The following CSMD3 variants were observed in gnomAD, a reference collection of about 807,000 sequenced individuals.
CSMD3 encodes CUB and sushi domain-containing protein 3.
Under a neutral mutation model 435.2 loss-of-function variants are expected in CSMD3, and 177 were observed. That is an observed-to-expected ratio of 0.41 (90% confidence interval 0.36 to 0.46). CSMD3 has a LOEUF of 0.46. CSMD3 is among the 20% of genes least tolerant of loss of function. The pLI, the probability that CSMD3 is intolerant of heterozygous loss-of-function variation, is 0.34. For synonymous variants in CSMD3, 1,656 were observed against 1,520.5 expected (o/e 1.09, Z -2.07); for missense variants, 4,265 against 4,504.6 (o/e 0.95, Z 1.52).
chr8:113,137,253 A>C (rs1282789184), intron 4 of CSMD3, among the ~76,000 whole-genome samples: 1 of 151,692 alleles, frequency 6.6e-6, no homozygotes, highest in Non-Finnish European at 1.5e-5. Flanking sequence ...AAAAAATTTA[A>C]ATGATGGCGG....
In CSMD3 at chr8:112,289,366, T is replaced by A. The variant is rs2130654259; in HGVS notation, c.9147A>T (p.Ser3049=). ...GHWSGSQPHC[S]GDATGTCGDP... ...ATTGTCCAATTTTCCAAGTGGTACC[T>A]GAACAATGAGGTTGTGATCCACTCC... Residue 3049 remains serine, a splice_region_variant and synonymous_variant, in exon 57 of 71, where the codon TCA becomes TCT. Transcript: ENST00000297405. 1 of 1,612,876 alleles carries A rather than the reference T, an allele frequency of 6.2e-7. No individual in the cohort carries two copies. Among genetic ancestry groups the A allele is most frequent in the Admixed American group, 1.7e-5 (1 of 59,906 alleles).
intron 1 of CSMD3, among the ~76,000 whole-genome samples, chr8:113,404,966 A>G (rs771935350): frequency 5.3e-5 from 8 of 151,566 alleles, no homozygotes; most frequent in Non-Finnish European, 8.9e-5. Context: ...TTAAAACAAA[A>G]TAATTCTAGG....
Position 113,153,101 on chromosome 8 carries a change from AAAAG to A in CSMD3, c.709+20617_709+20620del, listed in dbSNP as rs1554791157. ...AAAAGAAAGAAAGAAAGAAAGAAAG[AAAAG>A]AAAGAAAGAAAGAAAGAAAGAGAAA... On this transcript the variant is annotated intron_variant, in intron 4 of 70. Transcript: ENST00000297405. Among the ~76,000 whole-genome samples the A allele has an allele frequency of 1.5e-3, 146 of 100,028 alleles. 1 individual carries two copies. The highest frequency in any genetic ancestry group is 4.4e-3 in the Middle Eastern group (1 of 228). The allele number at this position is 100,028 out of a possible 152,430, so 65.6% of individuals were successfully genotyped here.
intron 38 of CSMD3, among the ~76,000 whole-genome samples, chr8:112,354,259 T>C (rs1290788764): frequency 1.3e-5 from 2 of 152,108 alleles, no homozygotes; most frequent in African/African-American, 4.8e-5. Context: ...GGGCAAAAGC[T>C]GGGATAATTC....
At chr8:113,099,159 T>C (rs2090257877) in intron 4 of CSMD3, among the ~76,000 whole-genome samples, 196 bp from the exon 5 acceptor site, 1 of 152,008 alleles carries the variant, frequency 6.6e-6, no homozygotes, top group Non-Finnish European at 1.5e-5. Flanking sequence ...AAGTATAAAG[T>C]ATATCTTAAC....
chr8:112,556,186 A>G (rs1828101828), intron 25 of CSMD3, among the ~76,000 whole-genome samples: 1 of 151,366 alleles, frequency 6.6e-6, no homozygotes, highest in Non-Finnish European at 1.5e-5. Context: ...CTACCCATCT[A>G]TGCATTAACT....
chr8:112,928,733 T>G (rs2082995907), intron 9 of CSMD3, among the ~76,000 whole-genome samples: 1 of 149,896 alleles, frequency 6.7e-6, no homozygotes, highest in Admixed American at 6.7e-5. Context: ...TTGTGAATAA[T>G]GCCGCAATAA....
At chr8:112,517,298 GA>G (rs1823776955) in intron 27 of CSMD3, 73 bp from the exon 28 acceptor site, 1 of 1,118,748 alleles carries the variant, frequency 8.9e-7, no homozygotes, top group Non-Finnish European at 1.3e-6. Flanking sequence ...CTGTGTTTTA[GA>G]AAATTAATTT....
At position 112,224,127 on chromosome 8, in the gene CSMD3, T is replaced by C. The variant is rs1812370679; in HGVS notation, c.*644A>G. The stretch of plus-strand genomic sequence containing the variant: ...ATGAACTTGCCCTTTGCAGAAACTA[T>C]GACAACCAGTCTAAAAGAAGAAGAG... On this transcript the variant is annotated 3_prime_UTR_variant, in exon 71 of 71. Coordinates refer to ENST00000297405, the MANE Select transcript of CSMD3 (RefSeq NM_198123.2). The C allele has an allele frequency of 1.3e-5, 2 of 153,978 alleles. No individual in the cohort carries two copies. The highest frequency in any genetic ancestry group is 1.3e-4 in the Admixed American group (2 of 15,604). The allele number at this position is 153,978 out of a possible 1,614,324, so 9.5% of individuals were successfully genotyped here.
chr8:112,345,968 G>A (rs1025169673), intron 41 of CSMD3, 129 bp downstream of exon 41: 2 of 728,210 alleles, frequency 2.7e-6, no homozygotes, highest in Non-Finnish European at 2.5e-6. Context: ...AATTTACATA[G>A]TTGTATGTAT....
chr8:112,264,413 G>A (rs1483056204), intron 60 of CSMD3, among the ~76,000 whole-genome samples: 1 of 151,990 alleles, frequency 6.6e-6, no homozygotes, highest in Non-Finnish European at 1.5e-5. Context: ...GCAAAGACAG[G>A]TTGGATAAGA....
At chr8:112,481,368 A>G (rs937211015) in intron 31 of CSMD3, among the ~76,000 whole-genome samples, 4 of 152,224 alleles carry the variant, frequency 2.6e-5, no homozygotes, top group Admixed American at 1.3e-4. Context: ...GCTACTTGCA[A>G]TTTCACATCT....
At chr8:112,448,905 G>A (rs1307784677) in intron 32 of CSMD3, among the ~76,000 whole-genome samples, 1 of 152,128 alleles carries the variant, frequency 6.6e-6, no homozygotes, top group Non-Finnish European at 1.5e-5. Flanking sequence ...AAAGTTGAGG[G>A]TGGATATTCA....
intron 1 of CSMD3, among the ~76,000 whole-genome samples, chr8:113,383,491 G>C (rs2094426203): frequency 6.6e-6 from 1 of 152,066 alleles, no homozygotes; most frequent in Non-Finnish European, 1.5e-5. Flanking sequence ...TGGTTGAGTG[G>C]AAAGAGGCAA....
chr8:112,430,290 A>C (rs895499749), intron 32 of CSMD3, among the ~76,000 whole-genome samples: 1 of 152,042 alleles, frequency 6.6e-6, no homozygotes, highest in African/African-American at 2.4e-5. Flanking sequence ...GGAAAAAAGA[A>C]AGCAGTTATT....
intron 1 of CSMD3, among the ~76,000 whole-genome samples, chr8:113,323,247 T>C (rs976307557): frequency 4.6e-5 from 7 of 152,238 alleles, no homozygotes; most frequent in Non-Finnish European, 1.0e-4. Context: ...ATTATTGTTA[T>C]ATCCTCAAGG....
intron 2 of CSMD3, among the ~76,000 whole-genome samples, chr8:113,305,859 G>A (rs565971700): frequency 6.6e-6 from 1 of 152,132 alleles, no homozygotes; most frequent in Non-Finnish European, 1.5e-5. Context: ...TAATTCACTT[G>A]CATGCCCAAT....
chr8:112,266,944 T>A (rs1037940023), intron 59 of CSMD3, among the ~76,000 whole-genome samples: 2 of 152,206 alleles, frequency 1.3e-5, no homozygotes, highest in Non-Finnish European at 2.9e-5. Context: ...CCTTTTAGTC[T>A]GCTAAATCTT....
At chr8:112,512,029 C>T (rs1823196402) in intron 28 of CSMD3, among the ~76,000 whole-genome samples, 1 of 152,144 alleles carries the variant, frequency 6.6e-6, no homozygotes, top group Admixed American at 6.5e-5. Flanking sequence ...TTCTAGTTCT[C>T]CTGCTACTTC....
Sources: allele counts gnomAD v4.1 joint callset (sites outside exome capture counted in the v4.1 genomes callset), GRCh38; gene constraint gnomAD v4.1.1; transcripts MANE v1.5; gene names NCBI Gene and HGNC (gene_info 2026-07-23, HGNC 2026-07-21).